The following TTLL5 variants were observed in gnomAD, a reference collection of about 807,000 sequenced individuals.
The protein encoded by TTLL5 is tubulin tyrosine ligase like 5.
In TTLL5, 132 loss-of-function variants were observed where a neutral mutation model predicts 168.4. The ratio of observed to expected loss-of-function variants is 0.78; its 90% CI spans 0.68 to 0.91. The LOEUF (loss-of-function observed/expected upper bound fraction) is 0.91. Among genes scored for constraint, TTLL5 ranks in the 40% least tolerant of loss-of-function variants. The pLI is 0.00. For missense variants in TTLL5, 1,545 were observed against 1,581.5 expected (o/e 0.98, Z 0.39); for synonymous variants, 546 against 558.6 (o/e 0.98, Z 0.32).
rs527754535 is a variant in TTLL5 at position 75,821,219 on chromosome 14, G to A, written c.3326+1058G>A. Among the ~76,000 whole-genome samples the A allele has an allele frequency of 3.4e-4, 52 of 152,278 alleles. 1 individual carries two copies. The highest frequency in any genetic ancestry group is 1.1e-3 in the African/African-American group (44 of 41,560). On this transcript the variant is annotated intron_variant, in intron 28 of 31. Coordinates refer to ENST00000298832, the MANE Select transcript of TTLL5 (RefSeq NM_015072.5). Reference sequence around the variant, plus strand: ...AGCACATTACATCATCCTGCGGTACGGTGTCTTTCATACCGGTGATCATTG... The same window carrying A: ...AGCACATTACATCATCCTGCGGTACAGTGTCTTTCATACCGGTGATCATTG...
intron 28 of TTLL5, among the ~76,000 whole-genome samples, chr14:75,822,468 C>T (rs1170250251): frequency 2.0e-5 from 3 of 152,182 alleles, no homozygotes; most frequent in Non-Finnish European, 4.4e-5. Context: ...ACAGTAGCAA[C>T]AGTGGATTCC....
intron 27 of TTLL5, among the ~76,000 whole-genome samples, chr14:75,800,213 G>A (rs752268804): frequency 1.3e-5 from 2 of 152,108 alleles, no homozygotes; most frequent in African/African-American, 2.4e-5. Context: ...CAAAAGCCTT[G>A]TCTTCGAGCT....
At chr14:75,920,012 C>T (rs1199377151) in intron 31 of TTLL5, among the ~76,000 whole-genome samples, 1 of 152,130 alleles carries the variant, frequency 6.6e-6, no homozygotes, top group Non-Finnish European at 1.5e-5. Context: ...GTTCCAGCTA[C>T]TGGGGAGGCT....
chr14:75,880,331 G>T (rs2031739728), intron 29 of TTLL5, among the ~76,000 whole-genome samples: 1 of 152,120 alleles, frequency 6.6e-6, no homozygotes, highest in South Asian at 2.1e-4. Context: ...AAATATAGTT[G>T]TCACCGTGGC....
chr14:75,730,069 TTAA>T (rs1888434937), intron 12 of TTLL5, among the ~76,000 whole-genome samples: 2 of 152,230 alleles, frequency 1.3e-5, no homozygotes, highest in Non-Finnish European at 2.9e-5. Context: ...CTTCTTACTT[TTAA>T]TAATATTACC....
At chr14:75,860,014 CT>C (rs1431517614) in intron 28 of TTLL5, among the ~76,000 whole-genome samples, 5 of 152,342 alleles carry the variant, frequency 3.3e-5, no homozygotes, top group Non-Finnish European at 7.3e-5. Context: ...ATGCCTGCCT[CT>C]TTGCTAAAAG....
chr14:75,715,022 G>A (rs550990016), intron 9 of TTLL5, among the ~76,000 whole-genome samples: 24 of 152,222 alleles, frequency 1.6e-4, no homozygotes, highest in African/African-American at 5.8e-4. Context: ...GTTCCTTCTT[G>A]TTTTTTGCTT....
intron 3 of TTLL5, among the ~76,000 whole-genome samples, chr14:75,671,555 T>C (rs1325136478): frequency 2.6e-5 from 4 of 152,186 alleles, no homozygotes; most frequent in Admixed American, 6.5e-5. Flanking sequence ...GCTTCTTTAA[T>C]TTCTTTCATC....
At chr14:75,901,506 A>G (rs1380391160) in intron 30 of TTLL5, among the ~76,000 whole-genome samples, 8 of 152,200 alleles carry the variant, frequency 5.3e-5, no homozygotes, top group Admixed American at 5.2e-4. Context: ...TACATTTCTC[A>G]GTCTTGCGAT....
intron 26 of TTLL5, 46 bp downstream of exon 26, chr14:75,783,576 A>G: frequency 6.3e-7 from 1 of 1,577,458 alleles, no homozygotes. Flanking sequence ...GCTCCTCCCC[A>G]GCCCCAATAA....
rs375059325 is a variant in TTLL5 at position 75,896,619 on chromosome 14, G to A, written c.3741-5523G>A. On this transcript the variant is annotated intron_variant, in intron 30 of 31. Transcript: ENST00000298832. ...CTAGTACCCCTGTGTTGGGGATGTG[G>A]AAAGCCTTGAAAAGAACCCAAACAG... Among the ~76,000 whole-genome samples the A allele has an allele frequency of 8.5e-5, 13 of 152,326 alleles. No homozygotes were observed. In the East Asian group the frequency reaches 2.5e-3, roughly 29 times the overall value.
intron 28 of TTLL5, among the ~76,000 whole-genome samples, chr14:75,846,198 T>A (rs1188568043): frequency 6.6e-6 from 1 of 152,190 alleles, no homozygotes; most frequent in African/African-American, 2.4e-5. Flanking sequence ...GTATGCTGAC[T>A]CTCCTGAATA....
At chr14:75,947,833 T>C (rs574304521) in intron 31 of TTLL5, among the ~76,000 whole-genome samples, 1 of 151,592 alleles carries the variant, frequency 6.6e-6, no homozygotes, top group African/African-American at 2.4e-5. Context: ...TCCAGCCACA[T>C]GGGAGGCTGG....
chr14:75,738,886 C>A (rs1889072787), intron 15 of TTLL5, among the ~76,000 whole-genome samples: 2 of 152,162 alleles, frequency 1.3e-5, no homozygotes, highest in Admixed American at 1.3e-4. Context: ...CTCACTACAG[C>A]CTGGACTTCC....
At chr14:75,857,381 TTAGATAGATAGATAGA>T (rs75729746) in intron 28 of TTLL5, among the ~76,000 whole-genome samples, 5 of 149,894 alleles carry the variant, frequency 3.3e-5, no homozygotes, top group African/African-American at 1.2e-4. Context: ...GGTTGGTTGA[TTAGATAGATAGATAGA>T]TAGATAGATA....
chr14:75,894,642 A>T (rs1595223337), intron 30 of TTLL5, among the ~76,000 whole-genome samples: 1 of 152,190 alleles, frequency 6.6e-6, no homozygotes, highest in Non-Finnish European at 1.5e-5. Flanking sequence ...ACCAAAATAA[A>T]TGTTGACAAA....
chr14:75,825,650 G>C (rs1412147723), intron 28 of TTLL5, among the ~76,000 whole-genome samples: 1 of 152,076 alleles, frequency 6.6e-6, no homozygotes, highest in Non-Finnish European at 1.5e-5. Flanking sequence ...CACAATCAAA[G>C]AGAAACTACT....
chr14:75,751,512 C>T (rs1594970413), intron 17 of TTLL5, among the ~76,000 whole-genome samples: 1 of 152,196 alleles, frequency 6.6e-6, no homozygotes, highest in Admixed American at 6.5e-5. Flanking sequence ...AGGGATGATC[C>T]ACATTCCTGG....
chr14:75,918,320 G>T (rs148104104), intron 31 of TTLL5, among the ~76,000 whole-genome samples: 7 of 152,124 alleles, frequency 4.6e-5, no homozygotes, highest in African/African-American at 1.4e-4. Flanking sequence ...GAGGAAGAAG[G>T]GGGGATGGCT....
Sources: gnomAD v4.1 joint callset for allele counts (sites outside exome capture counted in the v4.1 genomes callset) on GRCh38, gnomAD v4.1.1 for gene constraint, MANE v1.5 for transcripts, NCBI Gene and HGNC (gene_info 2026-07-23, HGNC 2026-07-21) for gene names.